Variants in ANGPT1 observed in about 807,000 individuals in gnomAD.
The protein encoded by ANGPT1 is angiopoietin-1.
ANGPT1 carries 17 observed loss-of-function variants against 62.2 expected under a neutral mutation model. The ratio of observed to expected loss-of-function variants is 0.27; its 90% confidence interval spans 0.19 to 0.41. The LOEUF is 0.41. Ranked by LOEUF, ANGPT1 falls within the 10% of genes least tolerant of loss-of-function variation. The pLI is 1.00. For missense variants in ANGPT1, 478 were observed against 594.9 expected (o/e 0.80, Z 2.04); for synonymous variants, 199 against 198.9 (o/e 1.00, Z 0.00).
intron 1 of ANGPT1, among the ~76,000 whole-genome samples, chr8:107,477,771 T>C (rs1381961557): frequency 1.3e-5 from 2 of 152,120 alleles, no homozygotes; most frequent in African/African-American, 4.8e-5. Flanking sequence ...TCAAACAAAA[T>C]TTCTTATATG....
chr8:107,304,872 A>T (rs1586206018), intron 4 of ANGPT1, among the ~76,000 whole-genome samples: 1 of 151,916 alleles, frequency 6.6e-6, no homozygotes, highest in African/African-American at 2.4e-5. Flanking sequence ...CACAATTGCC[A>T]TGTCAACACA....
At chr8:107,465,384 T>G (rs1179558645) in intron 1 of ANGPT1, among the ~76,000 whole-genome samples, 1 of 152,162 alleles carries the variant, frequency 6.6e-6, no homozygotes, top group Non-Finnish European at 1.5e-5. Flanking sequence ...TAATAAGAAC[T>G]AATCACAGTG....
At chr8:107,412,763 A>G (rs1244022075) in intron 1 of ANGPT1, among the ~76,000 whole-genome samples, 1 of 152,122 alleles carries the variant, frequency 6.6e-6, no homozygotes, top group East Asian at 1.9e-4. Flanking sequence ...GCTGGGTGCC[A>G]TGGAATTATT....
At chr8:107,400,209 T>A (rs1026224039) in intron 1 of ANGPT1, among the ~76,000 whole-genome samples, 10 of 152,200 alleles carry the variant, frequency 6.6e-5, no homozygotes, top group Non-Finnish European at 1.5e-4. Context: ...GTACATTTGG[T>A]AAGTTAAGTC....
At position 107,370,396 on chromosome 8, in the gene ANGPT1, G is replaced by GAA. The variant is rs796177926; in HGVS notation, c.298-23301_298-23300dup. Among the ~76,000 whole-genome samples the GAA allele has an allele frequency of 4.8e-5, 3 of 62,206 alleles. 1 individual carries two copies. Among genetic ancestry groups the GAA allele is most frequent in the African/African-American group, 4.0e-5 (1 of 24,714 alleles). The allele number at this position is 62,206 out of a possible 152,430, so 40.8% of individuals were successfully genotyped here. A position where few individuals can be genotyped will look rare whatever the true frequency, so the allele number is the denominator to read the frequency against. On this transcript the variant is annotated intron_variant, in intron 1 of 8. Coordinates refer to ENST00000517746, the MANE Select transcript of ANGPT1 (RefSeq NM_001146.5). Reference sequence around the variant, plus strand: ...AGAAAGAAAGAAAGAAAGAAAGAAAGAAAGAAAGAAAGAGTCAGGGTCAGT... The same window carrying GAA: ...AGAAAGAAAGAAAGAAAGAAAGAAAGAAAAAGAAAGAAAGAGTCAGGGTCAGT...
At chr8:107,368,169 G>A (rs1816314534) in intron 1 of ANGPT1, among the ~76,000 whole-genome samples, 1 of 152,170 alleles carries the variant, frequency 6.6e-6, no homozygotes, top group Admixed American at 6.6e-5. Flanking sequence ...TGGGTTACAG[G>A]ATGGATATTG....
At chr8:107,453,314 T>C (rs1274221564) in intron 1 of ANGPT1, among the ~76,000 whole-genome samples, 1 of 152,058 alleles carries the variant, frequency 6.6e-6, no homozygotes, top group Non-Finnish European at 1.5e-5. Context: ...TCTGTTTTCA[T>C]GCTGCTGATA....
At chr8:107,356,199 C>A (rs1382890570) in intron 1 of ANGPT1, among the ~76,000 whole-genome samples, 1 of 152,202 alleles carries the variant, frequency 6.6e-6, no homozygotes, top group East Asian at 1.9e-4. Flanking sequence ...CCCATCTTGT[C>A]TTACTATGTC....
At chr8:107,261,718 AAAG>A (rs1486856238) in intron 8 of ANGPT1, among the ~76,000 whole-genome samples, 1 of 151,594 alleles carries the variant, frequency 6.6e-6, no homozygotes, top group African/African-American at 2.4e-5. Flanking sequence ...AAAAAAAAAG[AAAG>A]AAAGAAAGAA....
rs867717509 is a variant in ANGPT1 at position 107,398,480 on chromosome 8, T to A, written c.298-51383A>T. 4.8e-5 allele frequency among the ~76,000 whole-genome samples: 7 copies of A among 145,138 alleles called. 1 individual carries two copies. The South Asian group carries it at 1.5e-3, about 32-fold the overall frequency. On this transcript the variant is annotated intron_variant, in intron 1 of 8. Coordinates refer to ENST00000517746, the MANE Select transcript of ANGPT1 (RefSeq NM_001146.5). ...AATTCTTTTAAAATTTAAATATAAA[T>A]GTTAATTTTTTTCTTTTCTATTTTT...
chr8:107,265,499 A>G (rs1813591662), intron 7 of ANGPT1, among the ~76,000 whole-genome samples: 1 of 152,176 alleles, frequency 6.6e-6, no homozygotes, highest in Non-Finnish European at 1.5e-5. Flanking sequence ...TAGAGTAGCT[A>G]AACTGAAGTT....
intron 1 of ANGPT1, among the ~76,000 whole-genome samples, chr8:107,454,897 A>T (rs1460171229): frequency 6.6e-6 from 1 of 152,092 alleles, no homozygotes; most frequent in African/African-American, 2.4e-5. Context: ...TCTGTCTAAG[A>T]GGTGGAAATG....
At chr8:107,459,157 T>C (rs971338847) in intron 1 of ANGPT1, among the ~76,000 whole-genome samples, 4 of 152,294 alleles carry the variant, frequency 2.6e-5, no homozygotes, top group Admixed American at 2.0e-4. Context: ...GGCTTCATTT[T>C]ATATTTAAGG....
chr8:107,344,595 G>C (rs1815764064), intron 2 of ANGPT1, among the ~76,000 whole-genome samples: 1 of 152,214 alleles, frequency 6.6e-6, no homozygotes, highest in Non-Finnish European at 1.5e-5. Context: ...AATCTAGAAG[G>C]TCAGCAGAAG....
At chr8:107,395,302 T>C (rs1272722490) in intron 1 of ANGPT1, among the ~76,000 whole-genome samples, 1 of 152,236 alleles carries the variant, frequency 6.6e-6, no homozygotes, top group East Asian at 1.9e-4. Context: ...TATTTGCATG[T>C]GCTACATGTG....
intron 1 of ANGPT1, among the ~76,000 whole-genome samples, chr8:107,394,340 C>G (rs971546982): frequency 3.9e-5 from 6 of 152,152 alleles, no homozygotes; most frequent in African/African-American, 1.4e-4. Flanking sequence ...TAGGCTGTCT[C>G]TCAGAGACCA....
At chr8:107,350,772 A>G (rs1166170676) in intron 1 of ANGPT1, among the ~76,000 whole-genome samples, 1 of 152,084 alleles carries the variant, frequency 6.6e-6, no homozygotes, top group Non-Finnish European at 1.5e-5. Flanking sequence ...CTAATGCCAC[A>G]CTTAAGTAGC....
chr8:107,486,760 G>A (rs576159288), intron 1 of ANGPT1, among the ~76,000 whole-genome samples: 1 of 152,190 alleles, frequency 6.6e-6, no homozygotes, highest in African/African-American at 2.4e-5. Flanking sequence ...TTTGACTCTA[G>A]GCATGACACA....
At chr8:107,409,718 C>CT (rs1563610041) in intron 1 of ANGPT1, among the ~76,000 whole-genome samples, 1 of 112,104 alleles carries the variant, frequency 8.9e-6, no homozygotes, top group Non-Finnish European at 2.2e-5. Context: ...ATGAAAAATG[C>CT]CTTTTTTTTT....
Sources: allele counts gnomAD v4.1 joint callset (sites outside exome capture counted in the v4.1 genomes callset), GRCh38; gene constraint gnomAD v4.1.1; transcripts MANE v1.5; gene names NCBI Gene and HGNC (gene_info 2026-07-23, HGNC 2026-07-21).